TBC1D32: variants seen among roughly 807,000 people sequenced by gnomAD.
TBC1D32 encodes the protein TBC1 domain family member 32.
A neutral mutation model predicts 170.3 loss-of-function variants in TBC1D32; 151 were observed. The ratio of observed to expected loss-of-function variants is 0.89; its 90% confidence interval spans 0.78 to 1.01. The LOEUF is 1.01. Ranked by LOEUF, TBC1D32 falls within the 50% of genes least tolerant of loss-of-function variation. TBC1D32 has a pLI of 0.00. For missense variants in TBC1D32, 1,464 were observed against 1,457.1 expected (o/e 1.00, Z -0.08); for synonymous variants, 498 against 488.0 (o/e 1.02, Z -0.27).
chr6:121,110,765 G>C (rs909922299), intron 29 of TBC1D32, among the ~76,000 whole-genome samples: 1 of 152,150 alleles, frequency 6.6e-6, no homozygotes, highest in African/African-American at 2.4e-5. Context: ...CAATTCAAAA[G>C]ATTGTTAGTC....
chr6:121,246,061 G>C (rs1033022713), intron 17 of TBC1D32, among the ~76,000 whole-genome samples: 2 of 152,104 alleles, frequency 1.3e-5, no homozygotes, highest in African/African-American at 4.8e-5. Flanking sequence ...ATACCCAGGG[G>C]TGCCTCTCCT....
Position 121,126,385 on chromosome 6 carries a change from C to T in TBC1D32, c.2976G>A (p.Glu992=). Residue 992 remains glutamate (E), a synonymous_variant, in exon 26 of 32, where the codon GAG becomes GAA. Transcript: ENST00000398212. ...SPSECYFPSV[E]YTATDANVKN... ...ACAATGTTTAAAATGTACCTGTATA[C>T]TCCACTGAAGGGAAGTAGCATTCAG... 1.2e-6 allele frequency: 2 copies of T among 1,610,582 alleles called. 1 individual carries two copies. The highest frequency in any genetic ancestry group is 2.2e-5 in the South Asian group (2 of 90,584).
At chr6:121,313,817 C>T (rs948054733) in intron 3 of TBC1D32, among the ~76,000 whole-genome samples, 2 of 152,084 alleles carry the variant, frequency 1.3e-5, no homozygotes, top group Non-Finnish European at 2.9e-5. Context: ...AAGTGTCTTG[C>T]CATTTCTCAG....
At chr6:121,253,489 C>T (rs1476783660) in intron 17 of TBC1D32, among the ~76,000 whole-genome samples, 1 of 152,122 alleles carries the variant, frequency 6.6e-6, no homozygotes, top group Admixed American at 6.5e-5. Context: ...GAGGCCGAGG[C>T]GGGCGGATCA....
intron 24 of TBC1D32, among the ~76,000 whole-genome samples, chr6:121,148,613 T>A (rs1419138202): frequency 6.6e-6 from 1 of 151,902 alleles, no homozygotes; most frequent in Non-Finnish European, 1.5e-5. Context: ...TGTAAAAGCG[T>A]CCCTATTTCT....
intron 26 of TBC1D32, among the ~76,000 whole-genome samples, chr6:121,118,825 T>C (rs1779952480): frequency 6.6e-6 from 1 of 152,204 alleles, no homozygotes; most frequent in South Asian, 2.1e-4. Context: ...TATGTAATTG[T>C]ATCCATGCAT....
intron 17 of TBC1D32, among the ~76,000 whole-genome samples, chr6:121,252,839 GA>G (rs1281647840): frequency 5.3e-5 from 8 of 151,946 alleles, no homozygotes; most frequent in Admixed American, 1.3e-4. Flanking sequence ...CAAAGCATAA[GA>G]AAAAAACATT....
chr6:121,304,890 T>A (rs1807087942), intron 5 of TBC1D32, 57 bp from the exon 6 acceptor site: 2 of 1,152,412 alleles, frequency 1.7e-6, no homozygotes, highest in South Asian at 1.3e-5. Flanking sequence ...AGAATAGAGA[T>A]GAAACATTTT....
intron 24 of TBC1D32, among the ~76,000 whole-genome samples, chr6:121,159,117 A>T (rs370984819): frequency 6.6e-6 from 1 of 152,184 alleles, no homozygotes; most frequent in African/African-American, 2.4e-5. Flanking sequence ...TTTAAACTAC[A>T]TGCCTCATTA....
rs1775543753 is a variant in TBC1D32 at position 121,080,601 on chromosome 6, T to C, written c.*170A>G. ...TTACAAAACAACAAATTTACAAAAA[T>C]GAATTCACAAATTGAGCTCATACCT... On this transcript the variant is annotated 3_prime_UTR_variant, in exon 32 of 32. Coordinates refer to ENST00000398212, the MANE Select transcript of TBC1D32 (RefSeq NM_152730.6). 1 of 797,134 alleles carries C rather than the reference T, an allele frequency of 1.3e-6. No individual in the cohort carries two copies. The highest frequency in any genetic ancestry group is 2.6e-5 in the South Asian group (1 of 37,738). 49.4% of individuals were successfully genotyped at this position (797,134 alleles called of 1,614,324 possible). A position where few individuals can be genotyped will look rare whatever the true frequency, so the allele number is the denominator to read the frequency against.
At chr6:121,209,135 C>T (rs1792716732) in intron 21 of TBC1D32, among the ~76,000 whole-genome samples, 1 of 52,328 alleles carries the variant, frequency 1.9e-5, no homozygotes, top group Non-Finnish European at 5.5e-5. Context: ...TATTACAGCT[C>T]TTCTTAAAAA....
intron 22 of TBC1D32, among the ~76,000 whole-genome samples, chr6:121,169,519 A>G (rs958618121): frequency 6.6e-6 from 1 of 152,196 alleles, no homozygotes; most frequent in African/African-American, 2.4e-5. Context: ...ATTAAAGAAT[A>G]CTTTCCTTGA....
intron 30 of TBC1D32, among the ~76,000 whole-genome samples, chr6:121,092,900 C>G (rs1162816316): frequency 6.6e-6 from 1 of 151,986 alleles, no homozygotes; most frequent in Non-Finnish European, 1.5e-5. Flanking sequence ...CAGCCTATAC[C>G]AGAGGGTATT....
At chr6:121,238,417 C>T (rs1297216727) in intron 20 of TBC1D32, among the ~76,000 whole-genome samples, 2 of 151,998 alleles carry the variant, frequency 1.3e-5, no homozygotes, top group African/African-American at 2.4e-5. Flanking sequence ...TGAACTAGTC[C>T]AGAAAGAGAA....
At position 121,225,200 on chromosome 6, in the gene TBC1D32, C is replaced by T. The variant is rs1419189880; in HGVS notation, c.2365-1848G>A. ...CTGTATAAACTTCTCTAATCACCGG[C>T]TATTAACTAGAAAGATGATTAATAG... is the stretch of plus-strand genomic sequence containing the variant. On this transcript the variant is annotated intron_variant, in intron 20 of 31. Transcript: ENST00000398212. Among the ~76,000 whole-genome samples the T allele has an allele frequency of 2.0e-5, 3 of 152,096 alleles. No individual in the cohort carries two copies. In the East Asian group the frequency reaches 5.8e-4, roughly 29 times the overall value.
At chr6:121,317,801 A>T in intron 2 of TBC1D32, 129 bp from the exon 3 acceptor site, 4 of 554,202 alleles carry the variant, frequency 7.2e-6, no homozygotes, top group Non-Finnish European at 1.2e-5. Flanking sequence ...AAGGAGAAAA[A>T]TCGAACTCAA....
intron 30 of TBC1D32, among the ~76,000 whole-genome samples, chr6:121,094,174 G>A (rs1192874667): frequency 6.7e-6 from 1 of 148,784 alleles, no homozygotes; most frequent in African/African-American, 2.6e-5. Context: ...AGTAACTTCT[G>A]TATTTTTTTT....
chr6:121,123,023 G>C lies in TBC1D32; in HGVS notation c.2983+3355C>G, dbSNP rs570156596. On this transcript the variant is annotated intron_variant, in intron 26 of 31. Transcript: ENST00000398212. ...ATTTACATGTCAAAGATCACTCTGA[G>C]AGCAGTGTAAAGAGCACCTTTGAAA... is the stretch of plus-strand genomic sequence containing the variant. Among the ~76,000 whole-genome samples, 158 of 152,182 alleles carry C rather than the reference G, an allele frequency of 1.0e-3. 1 individual carries two copies. The highest frequency in any genetic ancestry group is 1.8e-3 in the Non-Finnish European group (124 of 67,944).
chr6:121,100,738 G>A (rs539715227), intron 30 of TBC1D32, among the ~76,000 whole-genome samples: 70 of 152,198 alleles, frequency 4.6e-4, no homozygotes, highest in Non-Finnish European at 9.6e-4. Flanking sequence ...ACGAAGATCA[G>A]AGCAGACCTG....
Sources: allele counts gnomAD v4.1 joint callset (sites outside exome capture counted in the v4.1 genomes callset), GRCh38; gene constraint gnomAD v4.1.1; transcripts MANE v1.5; gene names NCBI Gene and HGNC (gene_info 2026-07-23, HGNC 2026-07-21).